The following PPP2R3A variants were observed in gnomAD, a reference collection of about 807,000 sequenced individuals.
PPP2R3A encodes the protein serine/threonine-protein phosphatase 2A regulatory subunit B'' subunit alpha.
In PPP2R3A, 80 loss-of-function variants were observed where a neutral mutation model predicts 106.9. The ratio of observed to expected loss-of-function variants is 0.75; its 90% confidence interval spans 0.62 to 0.90. The LOEUF is 0.90. PPP2R3A is among the 40% of genes least tolerant of loss of function. The pLI, the probability that PPP2R3A is intolerant of heterozygous loss-of-function variation, is 0.00. For synonymous variants in PPP2R3A, 483 were observed against 468.3 expected (o/e 1.03, Z -0.41); for missense variants, 1,386 against 1,350.4 (o/e 1.03, Z -0.41).
chr3:136,007,679 C>T (rs1933897402), intron 2 of PPP2R3A, among the ~76,000 whole-genome samples: 1 of 152,176 alleles, frequency 6.6e-6, no homozygotes, highest in Non-Finnish European at 1.5e-5. Flanking sequence ...TTCCCACAGG[C>T]TTTCTTACAG....
intron 13 of PPP2R3A, among the ~76,000 whole-genome samples, chr3:136,132,903 C>G (rs1274943601): frequency 6.6e-6 from 1 of 152,022 alleles, no homozygotes; most frequent in Non-Finnish European, 1.5e-5. Context: ...TATATATACA[C>G]AGAGATCAGT....
chr3:136,015,725 C>T (rs1934245694), intron 2 of PPP2R3A, among the ~76,000 whole-genome samples: 1 of 151,864 alleles, frequency 6.6e-6, no homozygotes, highest in Admixed American at 6.6e-5. Context: ...GTTAATCTCT[C>T]TAATGGTCTA....
At chr3:136,065,267 A>C (rs1432638989) in intron 5 of PPP2R3A, among the ~76,000 whole-genome samples, 2 of 152,160 alleles carry the variant, frequency 1.3e-5, no homozygotes, top group African/African-American at 4.8e-5. Context: ...ACTAATTATA[A>C]TGTAGTTTTT....
In PPP2R3A at chr3:136,087,811, TTTG is replaced by T. The variant is rs376350583; in HGVS notation, c.2789-70_2789-68del. The T allele has an allele frequency of 5.4e-5, 68 of 1,258,086 alleles. No individual in the cohort carries two copies. In the African/African-American group the frequency reaches 9.0e-4, roughly 17 times the overall value. The allele number at this position is 1,258,086 out of a possible 1,614,324, so 77.9% of individuals were successfully genotyped here. ...TAGCTTGTAGCTAGTGAAAAGCAAA[TTTG>T]TGAAAAGTATTGCCTTTATGGAGCA... On this transcript the variant is annotated intron_variant, in intron 8 of 13. Transcript: ENST00000264977.
chr3:136,118,917 A>G lies in PPP2R3A; in HGVS notation c.3329+12595A>G, dbSNP rs532474965. Among the ~76,000 whole-genome samples the G allele has an allele frequency of 2.0e-4, 30 of 152,310 alleles. No individual in the cohort carries two copies. The South Asian group carries it at 5.8e-3, about 29-fold the overall frequency. ...AAAAAGAGCCCACATTGCCAAGCCA[A>G]TCCTAAGCAAAAAGAACAAAGCAGG... On this transcript the variant is annotated intron_variant, in intron 13 of 13. Transcript: ENST00000264977.
At chr3:136,140,439 C>CT (rs1360164081) in intron 13 of PPP2R3A, among the ~76,000 whole-genome samples, 14 of 119,058 alleles carry the variant, frequency 1.2e-4, no homozygotes, top group African/African-American at 3.6e-4. Context: ...GAGTGAGACT[C>CT]TTTAAAAAAA....
chr3:136,030,784 ATGTATGTATGTATG>A (rs1559878198), intron 3 of PPP2R3A, among the ~76,000 whole-genome samples: 22 of 116,100 alleles, frequency 1.9e-4, no homozygotes, highest in Non-Finnish European at 3.4e-4. Context: ...ATATATATGT[ATGTATGTATGTATG>A]TATGTATGTA....
At chr3:136,054,331 T>G (rs1347665469) in intron 5 of PPP2R3A, among the ~76,000 whole-genome samples, 1 of 144,140 alleles carries the variant, frequency 6.9e-6, no homozygotes, top group African/African-American at 2.6e-5. Context: ...CGATCTTGGC[T>G]CACTGCAACC....
rs762848650 is a variant in PPP2R3A at position 136,106,303 on chromosome 3, C to G, written c.3310C>G (p.Gln1104Glu). ...GACGCTTGTTGCAGAGGAATCTGCC[C>G]AAGCACAATTCCAGGAAGGGTGAGT... ...YETLVAEESA[Q>E]AQFQEGFEDY... The change falls in exon 13 of 14, where the codon CAA becomes GAA. Residue 1104 changes from glutamine (Q) to glutamate (E), a missense_variant. By Grantham distance (29) the Gln-to-Glu change is conservative. Coordinates refer to ENST00000264977, the MANE Select transcript of PPP2R3A (RefSeq NM_002718.5). 9.3e-6 allele frequency: 15 copies of G among 1,613,798 alleles called. No homozygotes were observed. The South Asian group carries it at 1.5e-4, about 17-fold the overall frequency.
At chr3:136,090,768 C>A in intron 10 of PPP2R3A, 101 bp downstream of exon 10, 1 of 849,894 alleles carries the variant, frequency 1.2e-6, no homozygotes, top group Non-Finnish European at 1.9e-6. Context: ...CTCAACGTGG[C>A]AATACTAAGA....
chr3:136,136,819 A>G (rs1938641188), intron 13 of PPP2R3A, among the ~76,000 whole-genome samples: 1 of 152,204 alleles, frequency 6.6e-6, no homozygotes. Context: ...TGTGCTAAGC[A>G]TCTGTACCTC....
At position 136,040,896 on chromosome 3, in the gene PPP2R3A, T is replaced by C; in HGVS notation, c.2300T>C (p.Phe767Ser). The C allele has an allele frequency of 6.2e-7, 1 of 1,613,562 alleles. No homozygotes were observed. Among genetic ancestry groups the C allele is most frequent in the Non-Finnish European group, 8.5e-7 (1 of 1,179,800 alleles). Residue 767 changes from phenylalanine (F) to serine (S), a missense_variant, in exon 4 of 14, where the codon TTC becomes TCC. Coordinates refer to ENST00000264977, the MANE Select transcript of PPP2R3A (RefSeq NM_002718.5). The stretch of plus-strand genomic sequence containing the variant: ...CCTCTCTATTGGAAAGCCCCCATGT[T>C]CAGGGCTGCAGGGGGAGAGAAGACA... ...GCPLYWKAPM[F>S]RAAGGEKTGF...
intron 13 of PPP2R3A, among the ~76,000 whole-genome samples, chr3:136,139,699 A>G (rs550543781): frequency 1.3e-5 from 2 of 150,750 alleles, no homozygotes; most frequent in East Asian, 3.9e-4. Context: ...CTCAAAAAAA[A>G]AAAAAAAAAA....
chr3:136,020,181 T>G (rs1006991279), intron 2 of PPP2R3A, among the ~76,000 whole-genome samples: 2 of 152,152 alleles, frequency 1.3e-5, no homozygotes, highest in Non-Finnish European at 2.9e-5. Context: ...AATGATCAAG[T>G]TACAAAATAT....
rs1933539841 is a variant in PPP2R3A at position 135,999,584 on chromosome 3, A to G, written c.-440-1475A>G. On this transcript the variant is annotated intron_variant, in intron 1 of 13. Transcript: ENST00000264977. ...TTTTTTTTAACTCAAATGATTTTAGACTGTAAATTTCTCATTGATAGTTGG... is the reference window on the plus strand; with the variant it reads ...TTTTTTTTAACTCAAATGATTTTAGGCTGTAAATTTCTCATTGATAGTTGG... Among the ~76,000 whole-genome samples the G allele has an allele frequency of 2.0e-5, 3 of 151,810 alleles. No individual in the cohort carries two copies. In the South Asian group the frequency reaches 6.3e-4, roughly 32 times the overall value.
At chr3:136,099,106 A>G (rs1018831490) in intron 10 of PPP2R3A, among the ~76,000 whole-genome samples, 1 of 152,234 alleles carries the variant, frequency 6.6e-6, no homozygotes, top group Non-Finnish European at 1.5e-5. Context: ...TGAACCTCCA[A>G]GCAAGAAACT....
At position 136,115,943 on chromosome 3, in the gene PPP2R3A, G is replaced by A. The variant is rs540312972; in HGVS notation, c.3329+9621G>A. On this transcript the variant is annotated intron_variant, in intron 13 of 13. Coordinates refer to ENST00000264977, the MANE Select transcript of PPP2R3A (RefSeq NM_002718.5). Reference sequence around the variant, plus strand: ...AAGAGCAACCCCGAGACTTGTAAGCGTCAAATTCACCAAGGCTGAAATGAA... The same window carrying A: ...AAGAGCAACCCCGAGACTTGTAAGCATCAAATTCACCAAGGCTGAAATGAA... Among the ~76,000 whole-genome samples, 22 of 151,972 alleles carry A rather than the reference G, an allele frequency of 1.4e-4. No homozygotes were observed. In the South Asian group the frequency reaches 1.5e-3, roughly 10 times the overall value.
At chr3:136,030,788 A>ATATATATATATATATATATG (rs1559878207) in intron 3 of PPP2R3A, among the ~76,000 whole-genome samples, 1 of 141,310 alleles carries the variant, frequency 7.1e-6, no homozygotes, top group African/African-American at 2.8e-5. Context: ...ATATGTATGT[A>ATATATATATATATATATATG]TGTATGTATG....
At chr3:136,034,620 T>A (rs993799666) in intron 3 of PPP2R3A, among the ~76,000 whole-genome samples, 1 of 152,250 alleles carries the variant, frequency 6.6e-6, no homozygotes. Context: ...TTAAATGTAT[T>A]GAGGCTCGTT....
Sources: allele counts gnomAD v4.1 joint callset (sites outside exome capture counted in the v4.1 genomes callset), GRCh38; gene constraint gnomAD v4.1.1; transcripts MANE v1.5; gene names NCBI Gene and HGNC (gene_info 2026-07-23, HGNC 2026-07-21).